BACE2: variants seen among roughly 807,000 people sequenced by gnomAD.
BACE2 encodes beta-secretase 2.
BACE2 carries 17 observed loss-of-function variants against 46.2 expected under a neutral mutation model. The observed-to-expected ratio is 0.37, with a 90% confidence interval of 0.25 to 0.55. The LOEUF is 0.55. Ranked by LOEUF, BACE2 falls within the 20% of genes least tolerant of loss-of-function variation. The pLI, the probability that BACE2 is intolerant of heterozygous loss-of-function variation, is 0.82. For missense variants in BACE2, 595 were observed against 698.1 expected, an observed-to-expected ratio of 0.85 and a Z score of 1.66; for synonymous variants, 277 against 295.9, an observed-to-expected ratio of 0.94 and a Z score of 0.66.
At chr21:41,241,788 G>C (rs1437457817) in intron 3 of BACE2, 31 bp from the exon 4 acceptor site, 1 of 1,613,340 alleles carries the variant, frequency 6.2e-7, no homozygotes, top group African/African-American at 1.3e-5. Context: ...TGAGTCCTAA[G>C]CGGGTGCCCC....
At chr21:41,205,610 T>G (rs935057915) in intron 1 of BACE2, among the ~76,000 whole-genome samples, 1 of 152,222 alleles carries the variant, frequency 6.6e-6, no homozygotes, top group African/African-American at 2.4e-5. Flanking sequence ...ATAGTATAAT[T>G]ATTCTGTTGC....
Position 41,183,663 on chromosome 21 carries a change from A to G in BACE2, c.312+15088A>G, listed in dbSNP as rs1420542521. ...GAGCACACTCAGTGGTGGAAATACC[A>G]AAGAAAAATGTTCAGGCGGCTGCTT... On this transcript the variant is annotated intron_variant, in intron 1 of 8. Transcript: ENST00000330333. 7.2e-5 allele frequency: 12 copies of G among 167,328 alleles called. No individual in the cohort carries two copies. The East Asian group carries it at 2.1e-3, about 30-fold the overall frequency. 10.4% of individuals were successfully genotyped at this position (167,328 alleles called of 1,614,324 possible). A position where few individuals can be genotyped will look rare whatever the true frequency, so the allele number is the denominator to read the frequency against.
chr21:41,252,287 G>T (rs75585907), intron 7 of BACE2, among the ~76,000 whole-genome samples: 5,959 of 152,062 alleles, frequency 0.039, 404 homozygotes, highest in African/African-American at 0.13. Context: ...GACCCTCAAG[G>T]CCTCTTGCCT....
intron 1 of BACE2, chr21:41,179,886 A>AAC: frequency 2.6e-6 from 1 of 382,504 alleles, no homozygotes; most frequent in South Asian, 2.1e-5. Flanking sequence ...GATCCCAGTG[A>AAC]TGCAGGACAG....
chr21:41,230,417 G>A (rs143434606), intron 2 of BACE2, among the ~76,000 whole-genome samples: 2 of 152,122 alleles, frequency 1.3e-5, no homozygotes, highest in Non-Finnish European at 2.9e-5. Context: ...TAATGCTTTC[G>A]TGTAACTTTA....
rs570983172 is a variant in BACE2 at position 41,171,386 on chromosome 21, C to T, written c.312+2811C>T. 2.6e-5 allele frequency among the ~76,000 whole-genome samples: 4 copies of T among 152,328 alleles called. No individual in the cohort carries two copies. The South Asian group carries it at 8.3e-4, about 32-fold the overall frequency. On this transcript the variant is annotated intron_variant, in intron 1 of 8. Coordinates refer to ENST00000330333, the MANE Select transcript of BACE2 (RefSeq NM_012105.5). Reference sequence around the variant, plus strand: ...TGGAAGTGTGCTTGTTCCCCGAAGGCTTTAATCAGGAACTAGAGGTCCATT... The same window carrying T: ...TGGAAGTGTGCTTGTTCCCCGAAGGTTTTAATCAGGAACTAGAGGTCCATT...
At chr21:41,274,539 C>A (rs1172910300) in intron 8 of BACE2, among the ~76,000 whole-genome samples, 1 of 152,074 alleles carries the variant, frequency 6.6e-6, no homozygotes, top group East Asian at 1.9e-4. Context: ...AGCTTAAGAT[C>A]CCATATTCCT....
intron 8 of BACE2, among the ~76,000 whole-genome samples, chr21:41,267,941 A>G (rs1252320667): frequency 2.0e-5 from 3 of 152,228 alleles, no homozygotes; most frequent in Admixed American, 2.0e-4. Flanking sequence ...ATAGGGAAAA[A>G]GACCTGACCA....
chr21:41,252,638 C>T (rs1987673568), intron 7 of BACE2: 1 of 152,212 alleles, frequency 6.6e-6, no homozygotes, highest in African/African-American at 2.4e-5. Context: ...AAAAGATTGT[C>T]CTTCCTTCCC....
intron 1 of BACE2, among the ~76,000 whole-genome samples, chr21:41,200,054 G>A: frequency 7.3e-6 from 1 of 136,906 alleles, no homozygotes; most frequent in African/African-American, 2.7e-5. Flanking sequence ...TGGGGGGAGG[G>A]GGGAGGAATA....
At chr21:41,197,277 T>G (rs529299587) in intron 1 of BACE2, among the ~76,000 whole-genome samples, 1 of 123,554 alleles carries the variant, frequency 8.1e-6, no homozygotes, top group South Asian at 2.7e-4. Context: ...TTTTTTTTGT[T>G]TTTTTTTTTT....
rs561176129 is a variant in BACE2, at chr21:41,169,320, C to T, written c.312+745C>T. Among the ~76,000 whole-genome samples the T allele has an allele frequency of 5.1e-4, 78 of 152,014 alleles. 1 individual carries two copies. Among genetic ancestry groups the T allele is most frequent in the African/African-American group, 1.9e-3 (77 of 41,474 alleles). On this transcript the variant is annotated intron_variant, in intron 1 of 8. Coordinates refer to ENST00000330333, the MANE Select transcript of BACE2 (RefSeq NM_012105.5). ...AAAAACAGGGGCTGAGTGAGGTGTC[C>T]GGGGACCAAGTGGTATCCCGATTAC... is the stretch of plus-strand genomic sequence containing the variant.
intron 8 of BACE2, among the ~76,000 whole-genome samples, chr21:41,262,217 T>C (rs1987956739): frequency 6.6e-6 from 1 of 152,216 alleles, no homozygotes; most frequent in Admixed American, 6.5e-5. Flanking sequence ...ATCTATTCCC[T>C]AATGATATAC....
At chr21:41,244,605 G>A (rs536023807) in intron 5 of BACE2, among the ~76,000 whole-genome samples, 54 of 112,144 alleles carry the variant, frequency 4.8e-4, no homozygotes, top group African/African-American at 2.5e-3. Flanking sequence ...GCAGGAACCG[G>A]CCATTTTCAC....
At chr21:41,217,235 A>G (rs1986499339) in intron 1 of BACE2, among the ~76,000 whole-genome samples, 1 of 152,092 alleles carries the variant, frequency 6.6e-6, no homozygotes, top group African/African-American at 2.4e-5. Context: ...GGCCCAATCT[A>G]GAGCTGTTCT....
chr21:41,207,526 G>C (rs1986166697), intron 1 of BACE2, among the ~76,000 whole-genome samples: 1 of 152,152 alleles, frequency 6.6e-6, no homozygotes, highest in Non-Finnish European at 1.5e-5. Flanking sequence ...TGTAACCTCA[G>C]AGGCTTCCAG....
chr21:41,177,389 A>C, intron 1 of BACE2: 1 of 152,394 alleles, frequency 6.6e-6, no homozygotes. Context: ...GTGCTCTAAA[A>C]TAAGGCAGCC....
intron 1 of BACE2, among the ~76,000 whole-genome samples, chr21:41,172,063 A>G (rs999057145): frequency 6.6e-6 from 1 of 152,266 alleles, no homozygotes. Flanking sequence ...GCTGAAAACA[A>G]GAAGGCAATC....
At chr21:41,179,097 G>T in intron 1 of BACE2, 1 of 1,185,690 alleles carries the variant, frequency 8.4e-7, no homozygotes, top group South Asian at 1.5e-5. Context: ...GAGGGTGTCA[G>T]GGTGACTGAG....
Sources: gnomAD v4.1 joint callset for allele counts (sites outside exome capture counted in the v4.1 genomes callset) on GRCh38, gnomAD v4.1.1 for gene constraint, MANE v1.5 for transcripts, NCBI Gene and HGNC (gene_info 2026-07-23, HGNC 2026-07-21) for gene names.